HEATR4: variants seen among roughly 807,000 people sequenced by gnomAD.
HEATR4 encodes HEAT repeat-containing protein 4.
In HEATR4, 95 loss-of-function variants were observed where a neutral mutation model predicts 108.8. That is an observed-to-expected ratio of 0.87 (90% CI 0.74 to 1.04). The LOEUF (loss-of-function observed/expected upper bound fraction) is 1.04. Among genes scored for constraint, HEATR4 ranks in the 50% least tolerant of loss-of-function variants. The pLI is 0.00. For synonymous variants in HEATR4, 443 were observed against 459.4 expected (o/e 0.96, Z 0.46); for missense variants, 1,152 against 1,253.8 (o/e 0.92, Z 1.23).
intron 17 of HEATR4, among the ~76,000 whole-genome samples, chr14:73,487,624 G>A (rs1335940355): frequency 6.6e-6 from 1 of 152,190 alleles, no homozygotes; most frequent in Non-Finnish European, 1.5e-5. Context: ...GCTCATGCTT[G>A]TAATCCCAGG....
chr14:73,606,278 C>T, the HEATR4 span, among the ~76,000 whole-genome samples: 1 of 152,088 alleles, frequency 6.6e-6, no homozygotes, highest in Non-Finnish European at 1.5e-5. Flanking sequence ...ATCACTTGAA[C>T]TCAGGAGGTG....
the HEATR4 span, among the ~76,000 whole-genome samples, chr14:73,585,491 C>G: frequency 6.6e-6 from 1 of 152,056 alleles, no homozygotes; most frequent in East Asian, 1.9e-4. Context: ...TCAAGACCAG[C>G]CTGGGCAACA....
chr14:73,478,500 C>A lies in HEATR4; in HGVS notation c.*106G>T. On this transcript the variant is annotated 3_prime_UTR_variant, in exon 18 of 18. Transcript: ENST00000553558. ...CATGAGGTCTACTGTTAAATAATTT[C>A]TCTTTATAAACATAGTGACAACAAG... The A allele has an allele frequency of 1.3e-6, 1 of 762,888 alleles. No individual in the cohort carries two copies. 47.3% of individuals were successfully genotyped at this position (762,888 alleles called of 1,614,324 possible).
chr14:73,620,718 C>G, the HEATR4 span, among the ~76,000 whole-genome samples: 1 of 151,898 alleles, frequency 6.6e-6, no homozygotes, highest in Non-Finnish European at 1.5e-5. Flanking sequence ...CAGGCTCGTG[C>G]CACCATGCCC....
the HEATR4 span, among the ~76,000 whole-genome samples, chr14:73,621,401 T>C: frequency 2.6e-3 from 394 of 152,278 alleles, 3 homozygotes; most frequent in African/African-American, 8.4e-3. Flanking sequence ...GATGTCATGT[T>C]ATACCTACCA....
At chr14:73,576,019 G>T in the HEATR4 span, among the ~76,000 whole-genome samples, 7 of 151,952 alleles carry the variant, frequency 4.6e-5, no homozygotes, top group Non-Finnish European at 8.8e-5. Flanking sequence ...CAGGCGTGGT[G>T]GCAGGCACCT....
chr14:73,591,666 C>G, the HEATR4 span: 1 of 358,104 alleles, frequency 2.8e-6, no homozygotes, highest in Non-Finnish European at 5.0e-6. Context: ...TTCCAACAAC[C>G]GAGGGTGGTG....
the HEATR4 span, among the ~76,000 whole-genome samples, chr14:73,614,092 T>G: frequency 6.6e-6 from 1 of 150,746 alleles, no homozygotes; most frequent in East Asian, 2.0e-4. Context: ...TCCCAGCTGC[T>G]TGGGAGGCTG....
chr14:73,524,182 C>G (rs1888154896), intron 2 of HEATR4, among the ~76,000 whole-genome samples: 1 of 150,444 alleles, frequency 6.6e-6, no homozygotes, highest in South Asian at 2.1e-4. Context: ...ATCCCAGCTA[C>G]TTGGGAGATT....
At chr14:73,510,361 T>C (rs1297403767) in intron 7 of HEATR4, among the ~76,000 whole-genome samples, 1 of 152,032 alleles carries the variant, frequency 6.6e-6, no homozygotes, top group African/African-American at 2.4e-5. Context: ...ACCAGAAGAA[T>C]ATGGGACAGG....
At chr14:73,498,537 C>T (rs568098210) in intron 13 of HEATR4, among the ~76,000 whole-genome samples, 193 bp from the exon 14 acceptor site, 1 of 152,250 alleles carries the variant, frequency 6.6e-6, no homozygotes, top group South Asian at 2.1e-4. Context: ...CCCATCCTTG[C>T]CTGTTAGGAT....
chr14:73,509,041 A>T (rs1305487142), intron 8 of HEATR4, among the ~76,000 whole-genome samples: 1 of 151,920 alleles, frequency 6.6e-6, no homozygotes, highest in African/African-American at 2.4e-5. Context: ...TAATTTTAAA[A>T]TTTTTTATAG....
the HEATR4 span, among the ~76,000 whole-genome samples, chr14:73,586,058 ATTTCT>A: frequency 3.1e-4 from 46 of 149,620 alleles, no homozygotes; most frequent in African/African-American, 1.0e-3. Flanking sequence ...AACCAGTATG[ATTTCT>A]TTTCTTATGG....
rs117070234 is a variant in HEATR4 at position 73,523,011 on chromosome 14, T to C, written c.142A>G (p.Met48Val). 3.1e-6 allele frequency: 5 copies of C among 1,613,970 alleles called. No homozygotes were observed. The highest frequency in any genetic ancestry group is 1.1e-5 in the South Asian group (1 of 91,084). The change falls in exon 3 of 18, where the codon ATG becomes GTG. Residue 48 changes from methionine (M) to valine (V), a missense_variant. Physicochemically the swap from Met to Val is conservative, Grantham distance 21. Coordinates refer to ENST00000553558, the MANE Select transcript of HEATR4 (RefSeq NM_001220484.1). The part of the protein sequence containing the change: ...EECASVSSVP[M>V]VFFSSQYRLH... The stretch of plus-strand genomic sequence containing the variant: ...CGGTACTGTGAGCTGAAGAAGACCA[T>C]AGGCACACTGGAGACAGAGGCACAC...
intron 11 of HEATR4, among the ~76,000 whole-genome samples, chr14:73,502,046 A>ATTT (rs777992104): frequency 6.0e-5 from 8 of 133,946 alleles, no homozygotes; most frequent in Non-Finnish European, 1.3e-4. Flanking sequence ...CGCCCGGCCA[A>ATTT]TTTTTTTTTT....
At chr14:73,540,423 T>C (rs868621641) in intron 1 of HEATR4, among the ~76,000 whole-genome samples, 1 of 112,998 alleles carries the variant, frequency 8.8e-6, no homozygotes, top group Non-Finnish European at 1.9e-5. Context: ...TATCAAGATA[T>C]ACAAAAGAAA....
Position 73,478,653 on chromosome 14 carries a change from A to G in HEATR4, c.3034T>C (p.Ser1012Pro). 1 of 1,613,690 alleles carries G rather than the reference A, an allele frequency of 6.2e-7. No individual in the cohort carries two copies. The highest frequency in any genetic ancestry group is 8.5e-7 in the Non-Finnish European group (1 of 1,179,760). ...LGKFSERTFF[S>P]PIMSSPSGKK... is the part of the protein sequence containing the mutation. ...CCAGAGGGAGAAGACATGATGGGAG[A>G]AAAAAATGTTCTCTCTGAGAATTTA... The change falls in exon 18 of 18, where the codon TCT becomes CCT. Residue 1012 changes from serine (S) to proline (P), a missense_variant. Physicochemically the swap from Ser to Pro is moderately conservative, Grantham distance 74. Transcript: ENST00000553558.
rs1447876024 is a variant in HEATR4 at position 73,533,883 on chromosome 14, A to T, written c.-151-3639T>A. ...GCAACATAGCAAGACCCTGTCTCTA[A>T]AAAAAAAAAAAAAAAAAAAAGGTTA... On this transcript the variant is annotated intron_variant, in intron 1 of 17. Transcript: ENST00000553558. 5.8e-4 allele frequency among the ~76,000 whole-genome samples: 3 copies of T among 5,174 alleles called. 1 individual carries two copies. Among genetic ancestry groups the T allele is most frequent in the Non-Finnish European group, 5.8e-3 (3 of 518 alleles). The allele number at this position is 5,174 out of a possible 152,430, so 3.4% of individuals were successfully genotyped here.
intron 1 of HEATR4, among the ~76,000 whole-genome samples, chr14:73,534,691 A>C (rs1888806056): frequency 8.7e-6 from 1 of 114,788 alleles, no homozygotes; most frequent in African/African-American, 2.8e-5. Context: ...ACCCCGTCTT[A>C]AAAAACAAAC....
Sources: gnomAD v4.1 joint callset for allele counts (sites outside exome capture counted in the v4.1 genomes callset) on GRCh38, gnomAD v4.1.1 for gene constraint, MANE v1.5 for transcripts, NCBI Gene and HGNC (gene_info 2026-07-23, HGNC 2026-07-21) for gene names.